SPAG16: variants seen among roughly 807,000 people sequenced by gnomAD.
SPAG16 encodes the protein sperm associated antigen 16, also known as sperm-associated antigen 16 protein.
In SPAG16, 86 loss-of-function variants were observed where a neutral mutation model predicts 80.4. The observed-to-expected ratio is 1.07, with a 90% confidence interval of 0.90 to 1.28. The LOEUF (loss-of-function observed/expected upper bound fraction) is 1.28, where lower values mean the gene tolerates loss of function less well. Among genes scored for constraint, SPAG16 ranks in the 50% most tolerant of loss-of-function variants. SPAG16 has a pLI of 0.00. For missense variants in SPAG16, 870 were observed against 765.3 expected (o/e 1.14, Z -1.61); for synonymous variants, 294 against 265.9 (o/e 1.11, Z -1.03).
intron 11 of SPAG16, among the ~76,000 whole-genome samples, chr2:213,899,594 T>C: frequency 6.6e-6 from 1 of 152,074 alleles, no homozygotes; most frequent in East Asian, 1.9e-4. Flanking sequence ...CCATGCTAGA[T>C]TTAAATGTTT....
At chr2:213,958,595 G>T (rs1606013) in intron 12 of SPAG16, among the ~76,000 whole-genome samples, 12,652 of 152,138 alleles carry the variant, frequency 0.083, 876 homozygotes, top group African/African-American at 0.19. Flanking sequence ...TTTTTCAGTT[G>T]CTGATGTTCC....
At chr2:214,233,662 T>C (rs1688864869) in intron 15 of SPAG16, among the ~76,000 whole-genome samples, 1 of 152,126 alleles carries the variant, frequency 6.6e-6, no homozygotes, top group South Asian at 2.1e-4. Flanking sequence ...AGGGTTCTTA[T>C]CTGCCCACTG....
At chr2:214,174,123 A>G (rs2056985095) in intron 15 of SPAG16, among the ~76,000 whole-genome samples, 1 of 152,098 alleles carries the variant, frequency 6.6e-6, no homozygotes, top group South Asian at 2.1e-4. Flanking sequence ...AGCCAATATC[A>G]TACTGAATGG....
chr2:213,295,396 ATTGATATTTAATTTCT>A (rs1280277173), intron 1 of SPAG16, among the ~76,000 whole-genome samples: 2 of 152,056 alleles, frequency 1.3e-5, no homozygotes, highest in African/African-American at 4.8e-5. Context: ...AATCATTTCC[ATTGATATTTAATTTCT>A]TCAGTATTTA....
chr2:214,155,609 A>C (rs1288950903), intron 15 of SPAG16, among the ~76,000 whole-genome samples: 5 of 152,112 alleles, frequency 3.3e-5, no homozygotes, highest in Non-Finnish European at 2.9e-5. Flanking sequence ...AGAAGCTAGG[A>C]AGACAGACAC....
At chr2:213,766,024 A>G (rs137925230) in intron 10 of SPAG16, among the ~76,000 whole-genome samples, 228 of 152,368 alleles carry the variant, frequency 1.5e-3, no homozygotes, top group African/African-American at 5.2e-3. Flanking sequence ...TCTGTTTCAT[A>G]TACTGAGAGC....
chr2:214,345,807 A>G (rs540960570), intron 15 of SPAG16, among the ~76,000 whole-genome samples: 6 of 152,294 alleles, frequency 3.9e-5, no homozygotes, highest in Admixed American at 2.6e-4. Context: ...AACAAATAAA[A>G]GCACATCATA....
intron 9 of SPAG16, among the ~76,000 whole-genome samples, chr2:213,399,941 AT>A (rs1214779463): frequency 3.9e-5 from 6 of 151,982 alleles, no homozygotes; most frequent in Non-Finnish European, 8.8e-5. Context: ...TATTTATCAT[AT>A]TTTTTATTAT....
At chr2:213,577,729 T>C (rs559663296) in intron 10 of SPAG16, among the ~76,000 whole-genome samples, 119 of 152,280 alleles carry the variant, frequency 7.8e-4, no homozygotes, top group African/African-American at 2.7e-3. Flanking sequence ...CAAGAAACAG[T>C]AACTCATTCA....
At chr2:213,676,710 G>C (rs1178787558) in intron 10 of SPAG16, among the ~76,000 whole-genome samples, 1 of 151,272 alleles carries the variant, frequency 6.6e-6, no homozygotes, top group Non-Finnish European at 1.5e-5. Flanking sequence ...TATTGAACCA[G>C]CCTTGCATCC....
At chr2:213,640,501 G>A (rs571518971) in intron 10 of SPAG16, among the ~76,000 whole-genome samples, 6 of 152,196 alleles carry the variant, frequency 3.9e-5, no homozygotes, top group South Asian at 4.1e-4. Context: ...CTGGACTGCC[G>A]TGATTGTTAT....
intron 6 of SPAG16, among the ~76,000 whole-genome samples, chr2:213,344,793 G>A (rs189869236): frequency 0.014 from 2,166 of 151,020 alleles, 25 homozygotes; most frequent in South Asian, 0.037. Context: ...TGGACATTTG[G>A]GTTGGTTCCA....
chr2:214,190,593 C>T (rs965424127), intron 15 of SPAG16, among the ~76,000 whole-genome samples: 3 of 152,048 alleles, frequency 2.0e-5, no homozygotes, highest in African/African-American at 7.2e-5. Context: ...CAGATCAAAT[C>T]TTTATGTCTG....
At chr2:214,111,037 G>C (rs1280034526) in intron 14 of SPAG16, among the ~76,000 whole-genome samples, 1 of 151,818 alleles carries the variant, frequency 6.6e-6, no homozygotes, top group East Asian at 1.9e-4. Context: ...TTAGCCCTTT[G>C]TCAGATGGGT....
intron 15 of SPAG16, among the ~76,000 whole-genome samples, chr2:214,408,905 C>T (rs1356473511): frequency 6.6e-6 from 1 of 151,866 alleles, no homozygotes. Context: ...GCATTTTTTA[C>T]ATAACAGATA....
chr2:214,218,983 A>G (rs1191713454), intron 15 of SPAG16, among the ~76,000 whole-genome samples: 3 of 152,230 alleles, frequency 2.0e-5, no homozygotes, highest in African/African-American at 7.2e-5. Context: ...GAAATTAAAA[A>G]TCCAACTACT....
At chr2:214,111,250 T>G (rs1487505431) in intron 14 of SPAG16, among the ~76,000 whole-genome samples, 1 of 152,216 alleles carries the variant, frequency 6.6e-6, no homozygotes, top group Non-Finnish European at 1.5e-5. Flanking sequence ...CCTCTAGGGT[T>G]TTTATGGTTT....
chr2:213,479,604 T>C (rs1161892880), intron 9 of SPAG16, among the ~76,000 whole-genome samples: 2 of 152,090 alleles, frequency 1.3e-5, no homozygotes, highest in African/African-American at 2.4e-5. Flanking sequence ...GCACTATCTG[T>C]TAACATTGGG....
At chr2:213,917,541 G>T (rs1161509136) in intron 11 of SPAG16, among the ~76,000 whole-genome samples, 3 of 152,070 alleles carry the variant, frequency 2.0e-5, no homozygotes, top group Non-Finnish European at 4.4e-5. Context: ...TGGCAATTGT[G>T]AATGTGACTG....
Sources: allele counts gnomAD v4.1 joint callset (sites outside exome capture counted in the v4.1 genomes callset), GRCh38; gene constraint gnomAD v4.1.1; transcripts MANE v1.5; gene names NCBI Gene and HGNC (gene_info 2026-07-23, HGNC 2026-07-21).